Variants in SETD2 observed in about 807,000 individuals in gnomAD.
SETD2 encodes the protein histone-lysine N-methyltransferase SETD2.
SETD2 carries 31 observed loss-of-function variants against 242.1 expected under a neutral mutation model. The ratio of observed to expected loss-of-function variants is 0.13; its 90% confidence interval spans 0.10 to 0.17. The LOEUF (loss-of-function observed/expected upper bound fraction) is 0.17, where lower values mean the gene tolerates loss of function less well. SETD2 is among the 10% of genes least tolerant of loss of function. The pLI is 1.00. For missense variants in SETD2, 2,481 were observed against 3,046.3 expected (o/e 0.81, Z 4.37); for synonymous variants, 1,006 against 1,066.5 (o/e 0.94, Z 1.11).
At position 47,114,876 on chromosome 3, in the gene SETD2, C is replaced by CAA. The variant is rs764948151; in HGVS notation, c.4587-874_4587-873dup. ...CCTGGGCGACAGAGGGAGACTGTCT[C>CAA]AAAAAAAAAAAAAAAAAAAAAAGAC... On this transcript the variant is annotated intron_variant, in intron 4 of 20. Transcript: ENST00000409792. 7.4e-3 allele frequency among the ~76,000 whole-genome samples: 393 copies of CAA among 53,438 alleles called. 4 individuals are homozygous for CAA. The highest frequency in any genetic ancestry group is 0.012 in the African/African-American group (235 of 19,286). 35.1% of individuals were successfully genotyped at this position (53,438 alleles called of 152,430 possible).
In SETD2 at chr3:47,120,293, G is replaced by A. The variant is rs1192116385; in HGVS notation, c.4343C>T (p.Ser1448Phe). 1 of 1,613,704 alleles carries A rather than the reference G, an allele frequency of 6.2e-7. No individual in the cohort carries two copies. Among genetic ancestry groups the A allele is most frequent in the Admixed American group, 1.7e-5 (1 of 59,888 alleles). Residue 1448 changes from serine to phenylalanine, a missense_variant, in exon 3 of 21, where the codon TCC (serine) becomes TTC (phenylalanine). Physicochemically the swap from Ser to Phe is radical, Grantham distance 155. This residue lies in a region of SETD2 where 1,300 missense variants were observed against 1,259.2 expected (regional missense o/e 1.03). Coordinates refer to ENST00000409792, the MANE Select transcript of SETD2 (RefSeq NM_014159.7). Reference sequence around the variant, plus strand: ...GTCCCTGAAGTCATCCATGACACAGGAGGGCCCAACCAGTGCTGAACCTGG... The same window carrying A: ...GTCCCTGAAGTCATCCATGACACAGAAGGGCCCAACCAGTGCTGAACCTGG... ...VPPGSALVGP[S>F]CVMDDFRDPQ...
chr3:47,064,577 G>T, intron 13 of SETD2: 1 of 355,944 alleles, frequency 2.8e-6, no homozygotes, highest in Non-Finnish European at 5.9e-6. Flanking sequence ...TTCTGACTCT[G>T]CACCTTAGAA....
At chr3:47,051,472 A>G (rs1428535970) in intron 15 of SETD2, among the ~76,000 whole-genome samples, 1 of 152,072 alleles carries the variant, frequency 6.6e-6, no homozygotes, top group African/African-American at 2.4e-5. Context: ...TCCTCTCAAA[A>G]TATGTCAGAT....
intron 6 of SETD2, among the ~76,000 whole-genome samples, chr3:47,105,227 T>C (rs1369569348): frequency 1.3e-5 from 2 of 151,944 alleles, no homozygotes; most frequent in South Asian, 2.1e-4. Flanking sequence ...CTGGCCAACA[T>C]GGCAAAACCC....
rs776420348 is a variant in SETD2, at chr3:47,122,017, A to T, written c.2619T>A (p.Pro873=). The change falls in exon 3 of 21, where the codon CCT becomes CCA. Residue 873 remains proline, a synonymous_variant. Coordinates refer to ENST00000409792, the MANE Select transcript of SETD2 (RefSeq NM_014159.7). ...ATGAAGCAATACCTGAACTCCCAAT[A>T]GGTTGATATAAATCATCAAAATGAT... ...SVNHFDDLYQ[P]IGSSGIASSL... is the part of the protein sequence containing the mutation. 6.2e-7 allele frequency: 1 copy of T among 1,613,872 alleles called. No individual in the cohort carries two copies. Among genetic ancestry groups the T allele is most frequent in the South Asian group, 1.1e-5 (1 of 91,080 alleles).
At position 47,127,588 on chromosome 3, in the gene SETD2, G is replaced by A. The variant is rs139919367; in HGVS notation, c.72-925C>T. 1.1e-4 allele frequency: 48 copies of A among 452,486 alleles called. 1 individual carries two copies. The highest frequency in any genetic ancestry group is 7.8e-4 in the African/African-American group (39 of 49,962). 28.0% of individuals were successfully genotyped at this position (452,486 alleles called of 1,614,324 possible). On this transcript the variant is annotated intron_variant, in intron 1 of 20. Coordinates refer to ENST00000409792, the MANE Select transcript of SETD2 (RefSeq NM_014159.7). The stretch of plus-strand genomic sequence containing the variant: ...CTTAAAAATAATTTTTAGGCCAGGT[G>A]CGGTGGCTCACGCCTGTAATCCCAG...
chr3:47,059,286 T>G (rs559212479), intron 14 of SETD2, among the ~76,000 whole-genome samples: 5 of 150,488 alleles, frequency 3.3e-5, no homozygotes, highest in Non-Finnish European at 7.4e-5. Flanking sequence ...CTGGCTAATT[T>G]TTGTATTCTT....
In SETD2 at chr3:47,021,700, T is replaced by C. The variant is rs150426742; in HGVS notation, c.7351-1860A>G. Among the ~76,000 whole-genome samples, 197 of 152,308 alleles carry C rather than the reference T, an allele frequency of 1.3e-3. 1 individual carries two copies. Among genetic ancestry groups the C allele is most frequent in the African/African-American group, 4.4e-3 (184 of 41,580 alleles). On this transcript the variant is annotated intron_variant, in intron 18 of 20. Coordinates refer to ENST00000409792, the MANE Select transcript of SETD2 (RefSeq NM_014159.7). ...GAAACCCTCTCTTCATGGTCTGTGA[T>C]TTGCAAATGGCATGGGAAATAATTT...
Position 47,120,427 on chromosome 3 carries a change from A to C in SETD2, c.4209T>G (p.Pro1403=). The C allele has an allele frequency of 6.2e-7, 1 of 1,611,678 alleles. No individual in the cohort carries two copies. The highest frequency in any genetic ancestry group is 1.7e-4 in the Middle Eastern group (1 of 6,028). ...CTATTTCCTGCCTCCTTTTTTTAAG[A>C]GGCCCTCTATCTTTGATATCATTTT... The part of the protein sequence containing the change: ...LEKNDIKDRG[P]LKKRRQEIES... Residue 1403 remains proline (P), a synonymous_variant, in exon 3 of 21, where the codon CCT becomes CCG. Transcript: ENST00000409792.
chr3:47,110,248 G>A (rs1166556993), intron 5 of SETD2, among the ~76,000 whole-genome samples: 1 of 152,102 alleles, frequency 6.6e-6, no homozygotes, highest in Non-Finnish European at 1.5e-5. Flanking sequence ...CAAATTAGTG[G>A]CTGCCAGGCC....
chr3:47,157,725 T>C (rs904739374), intron 1 of SETD2, among the ~76,000 whole-genome samples: 2 of 151,420 alleles, frequency 1.3e-5, no homozygotes, highest in Non-Finnish European at 2.9e-5. Context: ...AATACAAAAG[T>C]AGACAGGCAT....
At chr3:47,103,574 T>G in intron 6 of SETD2, 151 bp from the exon 7 acceptor site, 1 of 556,068 alleles carries the variant, frequency 1.8e-6, no homozygotes, top group Non-Finnish European at 3.2e-6. Context: ...TGAGGCCTCC[T>G]GACTACCAGC....
chr3:47,054,478 T>A (rs972181606), intron 15 of SETD2, among the ~76,000 whole-genome samples: 3 of 152,158 alleles, frequency 2.0e-5, no homozygotes, highest in Non-Finnish European at 2.9e-5. Context: ...GTATCCCTGA[T>A]ACATATTTTT....
chr3:47,020,594 C>T (rs952672819), intron 18 of SETD2, among the ~76,000 whole-genome samples: 13 of 152,164 alleles, frequency 8.5e-5, no homozygotes, highest in African/African-American at 3.1e-4. Flanking sequence ...TTCAGAGCAC[C>T]TGTCATGCAG....
At chr3:47,150,203 T>C (rs1299439744) in intron 1 of SETD2, among the ~76,000 whole-genome samples, 1 of 151,796 alleles carries the variant, frequency 6.6e-6, no homozygotes, top group Non-Finnish European at 1.5e-5. Context: ...CTAATTTTAA[T>C]TTATCTTTTG....
At position 47,042,663 on chromosome 3, in the gene SETD2, G is replaced by A. The variant is rs200186997; in HGVS notation, c.7136C>T (p.Pro2379Leu). 9 of 1,610,998 alleles carry A rather than the reference G, an allele frequency of 5.6e-6. No individual in the cohort carries two copies. Among genetic ancestry groups the A allele is most frequent in the African/African-American group, 1.3e-5 (1 of 74,622 alleles). ...TTTTGGTTTGGGAGGAGAGGGGGGC[G>A]GCAGATCCAAGAGATTATTTGTCAC... ...MVVTNNLLDL[P>L]PPSPPKPKTI... The change falls in exon 17 of 21, where the codon CCG becomes CTG. Residue 2379 changes from proline (P) to leucine (L), a missense_variant. Coordinates refer to ENST00000409792, the MANE Select transcript of SETD2 (RefSeq NM_014159.7).
At chr3:47,092,550 T>C (rs1386023397) in intron 9 of SETD2, among the ~76,000 whole-genome samples, 2 of 149,318 alleles carry the variant, frequency 1.3e-5, no homozygotes, top group African/African-American at 4.9e-5. Flanking sequence ...CTGTAATTTA[T>C]AGATAGTATA....
intron 13 of SETD2, chr3:47,064,606 C>A: frequency 2.5e-6 from 1 of 397,096 alleles, no homozygotes; most frequent in South Asian, 1.9e-5. Context: ...GCAGACAAGT[C>A]ATTCCATTTA....
At chr3:47,119,456 T>TA (rs1341885156) in intron 3 of SETD2, 2 of 158,836 alleles carry the variant, frequency 1.3e-5, no homozygotes, top group African/African-American at 2.4e-5. Context: ...AAGTACCTGA[T>TA]ATGGTTTGGC....
Sources: allele counts gnomAD v4.1 joint callset (sites outside exome capture counted in the v4.1 genomes callset), GRCh38; gene constraint gnomAD v4.1.1; regional missense constraint gnomAD v4.1.1; transcripts MANE v1.5; gene names NCBI Gene and HGNC (gene_info 2026-07-23, HGNC 2026-07-21).